The following TNFRSF19 variants were observed in gnomAD, a reference collection of about 807,000 sequenced individuals.
TNFRSF19 encodes tumor necrosis factor receptor superfamily member 19.
Under a neutral mutation model 46.4 loss-of-function variants are expected in TNFRSF19, and 27 were observed. That is an observed-to-expected ratio of 0.58 (90% CI 0.43 to 0.80). The LOEUF is 0.80. Ranked by LOEUF, TNFRSF19 falls within the 30% of genes least tolerant of loss-of-function variation. The pLI is 0.00. For synonymous variants in TNFRSF19, 204 were observed against 205.0 expected (o/e 1.00, Z 0.04); for missense variants, 511 against 530.8 (o/e 0.96, Z 0.37).
intron 3 of TNFRSF19, among the ~76,000 whole-genome samples, chr13:23,596,870 A>G (rs1390260034): frequency 6.6e-6 from 1 of 152,204 alleles, no homozygotes; most frequent in East Asian, 1.9e-4. Context: ...CTCCTCAGCA[A>G]ATGCAAAAGA....
chr13:23,604,267 C>A (rs533790298), intron 3 of TNFRSF19, among the ~76,000 whole-genome samples: 3 of 151,190 alleles, frequency 2.0e-5, no homozygotes, highest in East Asian at 1.9e-4. Context: ...GCACCCCCCC[C>A]AAAATAAAAT....
Position 23,645,820 on chromosome 13 carries a change from C to G in TNFRSF19, c.446-13230C>G, listed in dbSNP as rs74038471. ...TGTGTATGTCCAGCTGCTGGCTTAACGGATCCACGTGGATAAATAGGCATC... is the reference window on the plus strand; with the variant it reads ...TGTGTATGTCCAGCTGCTGGCTTAAGGGATCCACGTGGATAAATAGGCATC... On this transcript the variant is annotated intron_variant, in intron 5 of 9. Transcript: ENST00000248484. Among the ~76,000 whole-genome samples the G allele has an allele frequency of 4.7e-3, 718 of 152,218 alleles. 16 individuals carry two copies. Among genetic ancestry groups the G allele is most frequent in the Admixed American group, 0.036 (557 of 15,284 alleles).
At chr13:23,654,081 C>A (rs1320349124) in intron 5 of TNFRSF19, among the ~76,000 whole-genome samples, 3 of 152,180 alleles carry the variant, frequency 2.0e-5, no homozygotes, top group Non-Finnish European at 2.9e-5. Context: ...TGGAAAGTGG[C>A]AAGAGCCAGG....
intron 3 of TNFRSF19, among the ~76,000 whole-genome samples, chr13:23,611,146 ACACACT>A (rs931546372): frequency 8.0e-5 from 12 of 150,138 alleles, no homozygotes; most frequent in East Asian, 2.0e-4. Flanking sequence ...ACACACACAC[ACACACT>A]CCTTCTCTTG....
At chr13:23,626,393 T>G (rs1983957) in intron 4 of TNFRSF19, among the ~76,000 whole-genome samples, 30,873 of 152,130 alleles carry the variant, frequency 0.2, 3,778 homozygotes, top group East Asian at 0.3. Flanking sequence ...TTTATTCATT[T>G]ATAAGGTATT....
At chr13:23,645,564 G>A (rs957152022) in intron 5 of TNFRSF19, among the ~76,000 whole-genome samples, 1 of 152,174 alleles carries the variant, frequency 6.6e-6, no homozygotes, top group Non-Finnish European at 1.5e-5. Flanking sequence ...GTTTATTTAT[G>A]TGTTTCTTGA....
Position 23,673,408 on chromosome 13 carries a change from C to G in TNFRSF19, c.*28C>G, listed in dbSNP as rs1307678546. 1 of 1,599,094 alleles carries G rather than the reference C, an allele frequency of 6.3e-7. No individual in the cohort carries two copies. Among genetic ancestry groups the G allele is most frequent in the East Asian group, 2.3e-5 (1 of 44,442 alleles). Reference sequence around the variant, plus strand: ...AACCTGCTTCTTTCTGCAGTAGAAGCGTGTGCTGGAACCCAAAGAGTACTC... The same window carrying G: ...AACCTGCTTCTTTCTGCAGTAGAAGGGTGTGCTGGAACCCAAAGAGTACTC... On this transcript the variant is annotated 3_prime_UTR_variant, in exon 10 of 10. Coordinates refer to ENST00000248484, the MANE Select transcript of TNFRSF19 (RefSeq NM_148957.4).
chr13:23,571,740 G>T (rs941317707), intron 1 of TNFRSF19, among the ~76,000 whole-genome samples: 2 of 151,952 alleles, frequency 1.3e-5, no homozygotes, highest in Non-Finnish European at 2.9e-5. Flanking sequence ...GAATTTGAAA[G>T]TTAACTGTTA....
chr13:23,581,132 C>CTTTTTTTTTT (rs746641461), intron 1 of TNFRSF19, among the ~76,000 whole-genome samples: 6 of 143,664 alleles, frequency 4.2e-5, no homozygotes, highest in African/African-American at 1.3e-4. Flanking sequence ...TTTTTCTTTT[C>CTTTTTTTTTT]TTTTTTTTTT....
intron 5 of TNFRSF19, among the ~76,000 whole-genome samples, chr13:23,644,966 A>T (rs1448520984): frequency 6.6e-6 from 1 of 152,152 alleles, no homozygotes; most frequent in Non-Finnish European, 1.5e-5. Context: ...TAAACAACCC[A>T]CTTCAGTAAT....
At chr13:23,574,560 A>C (rs1013100937) in intron 1 of TNFRSF19, among the ~76,000 whole-genome samples, 1 of 152,158 alleles carries the variant, frequency 6.6e-6, no homozygotes, top group Non-Finnish European at 1.5e-5. Context: ...TAAGCCATGA[A>C]GGCATAATCT....
chr13:23,621,906 G>C (rs543525704), intron 4 of TNFRSF19, among the ~76,000 whole-genome samples: 21 of 151,958 alleles, frequency 1.4e-4, no homozygotes, highest in African/African-American at 4.6e-4. Context: ...AGCCAAGATC[G>C]CACCACTGCA....
At chr13:23,651,812 C>A (rs9507134) in intron 5 of TNFRSF19, among the ~76,000 whole-genome samples, 1 of 131,080 alleles carries the variant, frequency 7.6e-6, no homozygotes, top group Non-Finnish European at 1.5e-5. Flanking sequence ...TATACAGAAT[C>A]TGAACCAGTA....
chr13:23,633,529 ACTC>A (rs10595406), intron 5 of TNFRSF19, among the ~76,000 whole-genome samples: 40,498 of 151,786 alleles, frequency 0.27, 5,887 homozygotes, highest in South Asian at 0.39. Flanking sequence ...GTTACAGCAA[ACTC>A]CTCATTTTCT....
Position 23,593,377 on chromosome 13 carries a change from T to C in TNFRSF19, c.102T>C (p.Cys34=). ...AAGTGACTTGTGAATCAGGAGACTGTAGACAGCAAGAATTCAGGGATCGGT... is the reference window on the plus strand; with the variant it reads ...AAGTGACTTGTGAATCAGGAGACTGCAGACAGCAAGAATTCAGGGATCGGT... ...SCKVTCESGD[C]RQQEFRDRSG... Residue 34 remains cysteine, a synonymous_variant, in exon 3 of 10, where the codon TGT becomes TGC. Coordinates refer to ENST00000248484, the MANE Select transcript of TNFRSF19 (RefSeq NM_148957.4). The C allele has an allele frequency of 6.3e-6, 10 of 1,596,094 alleles. No homozygotes were observed. The highest frequency in any genetic ancestry group is 6.8e-6 in the Non-Finnish European group (8 of 1,175,526).
At chr13:23,669,476 C>A (rs1274168839) in intron 9 of TNFRSF19, 4 of 984,174 alleles carry the variant, frequency 4.1e-6, no homozygotes, top group African/African-American at 1.8e-5. Flanking sequence ...TACTTATGCC[C>A]AATACTTAAA....
At chr13:23,626,871 C>G (rs1484075297) in intron 5 of TNFRSF19, 79 bp downstream of exon 5, 6 of 1,420,088 alleles carry the variant, frequency 4.2e-6, no homozygotes, top group Non-Finnish European at 5.8e-6. Flanking sequence ...CGTTTCTTCT[C>G]TGGCAGATGG....
At chr13:23,639,513 T>C (rs1882904745) in intron 5 of TNFRSF19, among the ~76,000 whole-genome samples, 1 of 152,220 alleles carries the variant, frequency 6.6e-6, no homozygotes, top group Admixed American at 6.5e-5. Flanking sequence ...CTGTGCACAG[T>C]TATAGCCACA....
At chr13:23,580,427 A>G (rs536311935) in intron 1 of TNFRSF19, among the ~76,000 whole-genome samples, 2 of 152,256 alleles carry the variant, frequency 1.3e-5, no homozygotes, top group Non-Finnish European at 2.9e-5. Context: ...CTTTATGTAA[A>G]CAGGAAACAG....
Sources: allele counts gnomAD v4.1 joint callset (sites outside exome capture counted in the v4.1 genomes callset), GRCh38; gene constraint gnomAD v4.1.1; transcripts MANE v1.5; gene names NCBI Gene and HGNC (gene_info 2026-07-23, HGNC 2026-07-21).